NTN1: variants seen among roughly 807,000 people sequenced by gnomAD.
NTN1 encodes the protein netrin-1.
A neutral mutation model predicts 54.2 loss-of-function variants in NTN1; 11 were observed. The observed-to-expected ratio is 0.20, with a 90% CI of 0.13 to 0.34. The LOEUF is 0.34. Among genes scored for constraint, NTN1 ranks in the 10% least tolerant of loss-of-function variants. The pLI is 1.00. For missense variants in NTN1, 740 were observed against 893.1 expected (o/e 0.83, Z 2.18); for synonymous variants, 371 against 382.0 (o/e 0.97, Z 0.33).
At chr17:9,099,643 G>C (rs2092143291) in intron 2 of NTN1, among the ~76,000 whole-genome samples, 2 of 149,628 alleles carry the variant, frequency 1.3e-5, no homozygotes, top group Non-Finnish European at 2.9e-5. Flanking sequence ...TAAATTCCTG[G>C]AGGTAAAATG....
chr17:9,130,640 G>A (rs1049186214), intron 2 of NTN1, among the ~76,000 whole-genome samples: 4 of 152,072 alleles, frequency 2.6e-5, no homozygotes, highest in African/African-American at 7.2e-5. Context: ...GGTCCTTGAC[G>A]TCTCTTGGAC....
At chr17:9,188,621 C>T (rs1457978919) in intron 5 of NTN1, among the ~76,000 whole-genome samples, 4 of 152,080 alleles carry the variant, frequency 2.6e-5, no homozygotes, top group African/African-American at 7.2e-5. Flanking sequence ...GTCTTCCTGT[C>T]GCCTCACTGG....
chr17:9,183,254 G>A (rs1469548420), intron 5 of NTN1: 19 of 633,260 alleles, frequency 3.0e-5, no homozygotes, highest in Admixed American at 4.2e-5. Flanking sequence ...CCAGCTGCCC[G>A]CCAGCCCAAC....
At chr17:9,196,867 T>A (rs1904647341) in intron 5 of NTN1, among the ~76,000 whole-genome samples, 1 of 152,074 alleles carries the variant, frequency 6.6e-6, no homozygotes. Flanking sequence ...TGAAACTTGG[T>A]GGTGTTGGAG....
chr17:9,077,343 A>G (rs1236862500), intron 2 of NTN1, among the ~76,000 whole-genome samples: 1 of 152,202 alleles, frequency 6.6e-6, no homozygotes, highest in African/African-American at 2.4e-5. Context: ...GTTCAGATAA[A>G]TCAGAGGTGA....
chr17:9,141,857 T>C (rs1353674572), intron 2 of NTN1, among the ~76,000 whole-genome samples: 1 of 151,526 alleles, frequency 6.6e-6, no homozygotes, highest in African/African-American at 2.4e-5. Flanking sequence ...AGGTCAGGAG[T>C]TGGAGATCAG....
chr17:9,210,740 CTACAAAAA>C (rs1018433963), intron 5 of NTN1, among the ~76,000 whole-genome samples: 1 of 151,856 alleles, frequency 6.6e-6, no homozygotes, highest in African/African-American at 2.4e-5. Flanking sequence ...AAGCCCATCT[CTACAAAAA>C]TACAAAAATT....
chr17:9,058,248 G>T (rs767710416), intron 2 of NTN1, among the ~76,000 whole-genome samples: 3 of 152,134 alleles, frequency 2.0e-5, no homozygotes, highest in Non-Finnish European at 4.4e-5. Context: ...TGGTTACATG[G>T]ATGAATTCTG....
At chr17:9,020,315 C>A (rs1374766951), upstream of NTN1, among the ~76,000 whole-genome samples, 2 of 152,234 alleles carry the variant, frequency 1.3e-5, no homozygotes, top group African/African-American at 4.8e-5. Context: ...GTTCCAAACT[C>A]TCGGCCCAGT....
intron 5 of NTN1, among the ~76,000 whole-genome samples, chr17:9,202,029 TACACAC>T (rs1200661283): frequency 2.6e-4 from 7 of 26,848 alleles, no homozygotes; most frequent in South Asian, 2.4e-3. Context: ...CTACTAAAAA[TACACAC>T]ACACACACAC....
chr17:9,151,773 C>T (rs2092328223), intron 2 of NTN1, among the ~76,000 whole-genome samples: 1 of 152,172 alleles, frequency 6.6e-6, no homozygotes, highest in Non-Finnish European at 1.5e-5. Flanking sequence ...CTTCCTGGGT[C>T]TGCTGGGGAA....
chr17:9,231,425 C>T (rs1905807522), intron 6 of NTN1, among the ~76,000 whole-genome samples: 1 of 152,228 alleles, frequency 6.6e-6, no homozygotes, highest in South Asian at 2.1e-4. Flanking sequence ...CCCCAGGTCT[C>T]AGCTCCTTCC....
At chr17:9,190,697 C>A (rs1207851396) in intron 5 of NTN1, among the ~76,000 whole-genome samples, 3 of 152,074 alleles carry the variant, frequency 2.0e-5, no homozygotes, top group Admixed American at 6.5e-5. Flanking sequence ...ACTAAAAATA[C>A]AAAAATGAGC....
chr17:9,038,561 C>G (rs757729119), intron 2 of NTN1, among the ~76,000 whole-genome samples: 1 of 152,090 alleles, frequency 6.6e-6, no homozygotes, highest in Admixed American at 6.6e-5. Context: ...GGCCTTATCT[C>G]CGGTCTGTGT....
chr17:9,089,886 A>C (rs1021835192), intron 2 of NTN1, among the ~76,000 whole-genome samples: 1 of 151,798 alleles, frequency 6.6e-6, no homozygotes, highest in African/African-American at 2.4e-5. Flanking sequence ...GGCCAAACAA[A>C]CTTTTTTTTT....
At chr17:9,178,995 C>A (rs893960793) in intron 3 of NTN1, 1 of 152,198 alleles carries the variant, frequency 6.6e-6, no homozygotes, top group Non-Finnish European at 1.5e-5. Flanking sequence ...GCAACCCCAC[C>A]TCTCCACCCT....
chr17:9,011,578 T>C, the NTN1 span, among the ~76,000 whole-genome samples: 4 of 152,152 alleles, frequency 2.6e-5, no homozygotes, highest in African/African-American at 9.7e-5. Context: ...GGATTACAGA[T>C]ATGGATATCT....
At chr17:9,131,538 G>A (rs1026123636) in intron 2 of NTN1, among the ~76,000 whole-genome samples, 1 of 150,538 alleles carries the variant, frequency 6.6e-6, no homozygotes, top group Non-Finnish European at 1.5e-5. Flanking sequence ...GGGCTGGGCT[G>A]TGCTCGGTTT....
At chr17:9,035,244 A>G (rs978666975) in intron 2 of NTN1, among the ~76,000 whole-genome samples, 17 of 151,938 alleles carry the variant, frequency 1.1e-4, no homozygotes, top group Non-Finnish European at 2.2e-4. Context: ...CCGTGCCCAG[A>G]CGGGTTTTGA....
Sources: gnomAD v4.1 joint callset for allele counts (sites outside exome capture counted in the v4.1 genomes callset) on GRCh38, gnomAD v4.1.1 for gene constraint, MANE v1.5 for transcripts, NCBI Gene and HGNC (gene_info 2026-07-23, HGNC 2026-07-21) for gene names.